Variants in CORIN observed in about 807,000 individuals in gnomAD.
CORIN encodes the protein corin, serine peptidase.
Under a neutral mutation model 125.3 loss-of-function variants are expected in CORIN, and 117 were observed. That is an observed-to-expected ratio of 0.93 (90% confidence interval 0.80 to 1.09). The LOEUF is 1.09. Ranked by LOEUF, CORIN falls within the 50% of genes least tolerant of loss-of-function variation. The pLI, the probability that CORIN is intolerant of heterozygous loss-of-function variation, is 0.00. For missense variants in CORIN, 1,253 were observed against 1,306.7 expected (o/e 0.96, Z 0.63); for synonymous variants, 450 against 466.4 (o/e 0.96, Z 0.45).
At chr4:47,767,385 T>C (rs1022656542) in intron 3 of CORIN, among the ~76,000 whole-genome samples, 2 of 152,026 alleles carry the variant, frequency 1.3e-5, no homozygotes, top group African/African-American at 4.8e-5. Flanking sequence ...AAAATATTCA[T>C]CTATCTCTAA....
chr4:47,762,638 T>C (rs939223901), intron 4 of CORIN, among the ~76,000 whole-genome samples: 1 of 152,170 alleles, frequency 6.6e-6, no homozygotes, highest in African/African-American at 2.4e-5. Flanking sequence ...CTATGTATGG[T>C]TCACACTTGC....
At chr4:47,660,564 T>C (rs773847592) in intron 12 of CORIN, among the ~76,000 whole-genome samples, 1 of 151,990 alleles carries the variant, frequency 6.6e-6, no homozygotes, top group African/African-American at 2.4e-5. Flanking sequence ...GACAAACAGG[T>C]ATATGAAAAG....
intron 1 of CORIN, among the ~76,000 whole-genome samples, chr4:47,821,433 C>T (rs1204566968): frequency 6.0e-5 from 9 of 150,806 alleles, no homozygotes; most frequent in South Asian, 4.2e-4. Flanking sequence ...TTACCTTCCC[C>T]GCTTCTTTCC....
chr4:47,629,005 G>C lies in CORIN; in HGVS notation c.2199-2484C>G, dbSNP rs557970968. ...TTATGAAGAGTGCTGCAATTAACAT[G>C]AGAGTGCAGATGTCTTTTTGAGATA... On this transcript the variant is annotated intron_variant, in intron 16 of 21. Coordinates refer to ENST00000273857, the MANE Select transcript of CORIN (RefSeq NM_006587.4). Among the ~76,000 whole-genome samples, 3 of 152,238 alleles carry C rather than the reference G, an allele frequency of 2.0e-5. No individual in the cohort carries two copies. The South Asian group carries it at 6.2e-4, about 32-fold the overall frequency.
At position 47,786,913 on chromosome 4, in the gene CORIN, T is replaced by C; in HGVS notation, c.221A>G (p.Lys74Arg). Reference protein sequence around the residue: ...ILLSYVGTLQKVYFKSNGSEP... With the variant: ...ILLSYVGTLQRVYFKSNGSEP... ...ACTCCCATTTGATTTAAAATAGACC[T>C]TTTGTAATGTTCCTGAAAGACAAAA... is the stretch of plus-strand genomic sequence containing the variant. The change falls in exon 3 of 22, where the codon AAG (lysine) becomes AGG (arginine). Residue 74 changes from lysine (K) to arginine (R), a missense_variant. Physicochemically the swap from Lys to Arg is conservative, Grantham distance 26 (BLOSUM62 2). Transcript: ENST00000273857. The C allele has an allele frequency of 6.2e-7, 1 of 1,610,126 alleles. No homozygotes were observed. Among genetic ancestry groups the C allele is most frequent in the Non-Finnish European group, 8.5e-7 (1 of 1,176,822 alleles).
rs1421346417 is a variant in CORIN at position 47,645,193 on chromosome 4, A to G, written c.1845T>C (p.Gly615=). The change falls in exon 14 of 22, where the codon GGT becomes GGC. Residue 615 remains glycine, a splice_region_variant and synonymous_variant. Coordinates refer to ENST00000273857, the MANE Select transcript of CORIN (RefSeq NM_006587.4). ...CDDDSDEENC[G]CKERDLWECP... ...ATTCCCAAAGATCTCTCTCTTTACA[A>G]CCTAGAGACAGAAGAAAAGGTTATT... 2 of 1,528,494 alleles carry G rather than the reference A, an allele frequency of 1.3e-6. No individual in the cohort carries two copies. The highest frequency in any genetic ancestry group is 1.8e-6 in the Non-Finnish European group (2 of 1,110,328). 94.7% of individuals were successfully genotyped at this position (1,528,494 alleles called of 1,614,324 possible). A position where few individuals can be genotyped will look rare whatever the true frequency, so the allele number is the denominator to read the frequency against.
chr4:47,628,312 G>A (rs1212578086), intron 16 of CORIN, among the ~76,000 whole-genome samples: 1 of 151,864 alleles, frequency 6.6e-6, no homozygotes, highest in East Asian at 1.9e-4. Context: ...CAGCTTTATT[G>A]AGGCATTCTT....
At chr4:47,642,905 A>G in intron 15 of CORIN, 4 of 1,502,086 alleles carry the variant, frequency 2.7e-6, no homozygotes, top group Non-Finnish European at 3.5e-6. Flanking sequence ...TGATTACAAC[A>G]TTTTGAACCC....
intron 3 of CORIN, among the ~76,000 whole-genome samples, chr4:47,772,508 TG>T (rs1166137845): frequency 6.6e-6 from 1 of 152,234 alleles, no homozygotes; most frequent in East Asian, 1.9e-4. Flanking sequence ...GAGTTATGAA[TG>T]AATGATAACA....
chr4:47,707,143 T>C (rs1275431551), intron 5 of CORIN, among the ~76,000 whole-genome samples: 1 of 152,230 alleles, frequency 6.6e-6, no homozygotes, highest in African/African-American at 2.4e-5. Context: ...TTGAAGACAA[T>C]AAGTGGTGGT....
At chr4:47,690,994 C>T (rs1247692929) in intron 6 of CORIN, among the ~76,000 whole-genome samples, 1 of 152,188 alleles carries the variant, frequency 6.6e-6, no homozygotes, top group African/African-American at 2.4e-5. Context: ...GTGATATGTT[C>T]ATGGGAAAGG....
intron 16 of CORIN, among the ~76,000 whole-genome samples, chr4:47,627,965 C>T (rs367632595): frequency 1.7e-4 from 26 of 152,296 alleles, no homozygotes; most frequent in African/African-American, 6.0e-4. Context: ...AGGCCCCCAG[C>T]TGCCCTGAGG....
chr4:47,635,603 T>C (rs538332349), intron 16 of CORIN, among the ~76,000 whole-genome samples: 1 of 152,278 alleles, frequency 6.6e-6, no homozygotes, highest in Non-Finnish European at 1.5e-5. Context: ...AGGATATGTA[T>C]TGGGTCAGAG....
chr4:47,653,851 T>C (rs74595989), intron 12 of CORIN, among the ~76,000 whole-genome samples, 191 bp from the exon 13 acceptor site: 4,398 of 152,332 alleles, frequency 0.029, 207 homozygotes, highest in African/African-American at 0.1. Context: ...ATTCTTGGCC[T>C]CATCCCTCTA....
chr4:47,688,852 TAG>T (rs1469401475), intron 6 of CORIN, among the ~76,000 whole-genome samples: 3 of 152,212 alleles, frequency 2.0e-5, no homozygotes, highest in African/African-American at 7.2e-5. Flanking sequence ...TCCATAAGCA[TAG>T]AGTTTTTTTA....
At chr4:47,635,421 A>T (rs1421006287) in intron 16 of CORIN, among the ~76,000 whole-genome samples, 1 of 152,262 alleles carries the variant, frequency 6.6e-6, no homozygotes, top group Non-Finnish European at 1.5e-5. Flanking sequence ...TTGTCAAAGA[A>T]AGCCTAAGTC....
intron 13 of CORIN, among the ~76,000 whole-genome samples, chr4:47,648,899 G>C (rs1054999745): frequency 6.6e-6 from 1 of 152,156 alleles, no homozygotes; most frequent in African/African-American, 2.4e-5. Context: ...CAGAGTACAG[G>C]CCTAACAGGT....
intron 5 of CORIN, among the ~76,000 whole-genome samples, chr4:47,697,171 G>T (rs548323231): frequency 2.0e-5 from 3 of 152,102 alleles, no homozygotes; most frequent in African/African-American, 7.2e-5. Flanking sequence ...ATCTTTCAGC[G>T]GCTGATACAA....
chr4:47,664,631 T>C (rs1724391517), intron 11 of CORIN, among the ~76,000 whole-genome samples: 1 of 152,214 alleles, frequency 6.6e-6, no homozygotes, highest in Admixed American at 6.5e-5. Flanking sequence ...TATGTATTCT[T>C]ATGTCATATC....
Sources: allele counts gnomAD v4.1 joint callset (sites outside exome capture counted in the v4.1 genomes callset), GRCh38; gene constraint gnomAD v4.1.1; transcripts MANE v1.5; gene names NCBI Gene and HGNC (gene_info 2026-07-23, HGNC 2026-07-21).